The following RASSF3 variants were observed in gnomAD, a reference collection of about 807,000 sequenced individuals.
RASSF3 encodes the protein ras association domain-containing protein 3.
A neutral mutation model predicts 19.9 loss-of-function variants in RASSF3; 19 were observed. That is an observed-to-expected ratio of 0.96 (90% CI 0.67 to 1.40). The LOEUF (loss-of-function observed/expected upper bound fraction) is 1.40, where lower values mean the gene tolerates loss of function less well. Among genes scored for constraint, RASSF3 ranks in the 40% most tolerant of loss-of-function variants. The pLI is 0.00. For missense variants in RASSF3, 306 were observed against 289.8 expected (o/e 1.06, Z -0.41); for synonymous variants, 110 against 104.2 (o/e 1.06, Z -0.34).
chr12:64,591,156 G>A (rs771355022), intron 2 of RASSF3, among the ~76,000 whole-genome samples: 9 of 152,152 alleles, frequency 5.9e-5, no homozygotes, highest in Non-Finnish European at 1.0e-4. Flanking sequence ...AAAGTGGGCA[G>A]CTGCTTCTTT....
Position 64,648,802 on chromosome 12 carries a change from A to ATTT in RASSF3, c.112-35967_112-35965dup, listed in dbSNP as rs60003798. On this transcript the variant is annotated intron_variant, in intron 1 of 4. Transcript: ENST00000542104. ...GGCCAAGCTTCTTGTTTTTACATTG[A>ATTT]TTTTTTTTTTTTTTTTTTTTAGAGA... Among the ~76,000 whole-genome samples, 53 of 104,988 alleles carry ATTT rather than the reference A, an allele frequency of 5.0e-4. 5 individuals carry two copies. Among genetic ancestry groups the ATTT allele is most frequent in the African/African-American group, 1.4e-3 (35 of 25,672 alleles). 68.9% of individuals were successfully genotyped at this position (104,988 alleles called of 152,430 possible).
chr12:64,560,648 G>A (rs1869331664), intron 2 of RASSF3, among the ~76,000 whole-genome samples: 2 of 152,230 alleles, frequency 1.3e-5, no homozygotes, highest in African/African-American at 2.4e-5. Flanking sequence ...CAATGAGGGA[G>A]CCAGTCTCCA....
intron 2 of RASSF3, among the ~76,000 whole-genome samples, chr12:64,686,991 C>A (rs1873381547): frequency 6.6e-6 from 1 of 152,038 alleles, no homozygotes; most frequent in African/African-American, 2.4e-5. Flanking sequence ...TCTAAATATA[C>A]TGTTTTTGTT....
upstream of RASSF3, chr12:64,610,440 G>A (rs1276413939): frequency 7.4e-5 from 14 of 189,280 alleles, no homozygotes; most frequent in Non-Finnish European, 1.4e-4. Context: ...GCGCACCGGG[G>A]CCGAGCCGCG....
intron 2 of RASSF3, among the ~76,000 whole-genome samples, chr12:64,566,703 C>A (rs1238708717): frequency 6.6e-6 from 1 of 152,020 alleles, no homozygotes; most frequent in East Asian, 1.9e-4. Context: ...TAGCTAGAGA[C>A]GAAGCAACCA....
chr12:64,553,047 A>G (rs1869192777), intron 2 of RASSF3, among the ~76,000 whole-genome samples: 1 of 152,166 alleles, frequency 6.6e-6, no homozygotes, highest in African/African-American at 2.4e-5. Context: ...CATCTCCACT[A>G]AAAATACAAA....
intron 2 of RASSF3, among the ~76,000 whole-genome samples, chr12:64,586,879 T>G (rs907080117): frequency 6.6e-6 from 1 of 151,486 alleles, no homozygotes; most frequent in Non-Finnish European, 1.5e-5. Flanking sequence ...GCGGAGATCA[T>G]GGCACTGCAC....
At chr12:64,589,287 T>A (rs577059732) in intron 2 of RASSF3, among the ~76,000 whole-genome samples, 21 of 151,972 alleles carry the variant, frequency 1.4e-4, no homozygotes, top group African/African-American at 5.1e-4. Flanking sequence ...CCATCTCTAC[T>A]AAAAATATAA....
intron 1 of RASSF3, among the ~76,000 whole-genome samples, chr12:64,627,817 T>G (rs1871044643): frequency 6.6e-6 from 1 of 152,208 alleles, no homozygotes; most frequent in African/African-American, 2.4e-5. Flanking sequence ...ATAGCAGAGA[T>G]AACTTTGGGA....
In RASSF3 at chr12:64,610,732, T is replaced by A; in HGVS notation, c.100T>A (p.Ser34Thr). Residue 34 changes from serine to threonine, a missense_variant, in exon 1 of 5, where the codon TCC (serine) becomes ACC (threonine). By Grantham distance (58) the Ser-to-Thr change is moderately conservative (BLOSUM62 1). Coordinates refer to ENST00000542104, the MANE Select transcript of RASSF3 (RefSeq NM_178169.4). ...GAGAGCGCCCCAGGGCAAGCCCCGC[T>A]CCGGCCAACAAGTGAGTGGCGCGCG... Reference protein sequence around the residue: ...FRRAPQGKPRSGQQDVEKEKE... With the variant: ...FRRAPQGKPRTGQQDVEKEKE... 1 of 1,588,220 alleles carries A rather than the reference T, an allele frequency of 6.3e-7. No individual in the cohort carries two copies. Among genetic ancestry groups the A allele is most frequent in the Non-Finnish European group, 8.6e-7 (1 of 1,168,938 alleles).
intron 1 of RASSF3, among the ~76,000 whole-genome samples, chr12:64,661,677 CTTT>C (rs71092993): frequency 0.014 from 1,133 of 78,972 alleles, 12 homozygotes; most frequent in African/African-American, 0.054. Flanking sequence ...TTTTCTTTTT[CTTT>C]TTTTTTTTTT....
intron 1 of RASSF3, among the ~76,000 whole-genome samples, chr12:64,538,947 G>T (rs1868886782): frequency 6.6e-6 from 1 of 152,130 alleles, no homozygotes; most frequent in African/African-American, 2.4e-5. Context: ...TCAAGAGGCT[G>T]AGTCAGGAGA....
intron 3 of RASSF3, among the ~76,000 whole-genome samples, chr12:64,690,332 C>T (rs1797676): frequency 0.38 from 56,930 of 151,768 alleles, 11,590 homozygotes; most frequent in Middle Eastern, 0.5. Flanking sequence ...CAAGTGCCCA[C>T]CACCATGCCC....
intron 2 of RASSF3, among the ~76,000 whole-genome samples, chr12:64,562,921 C>T (rs936020886): frequency 3.5e-4 from 53 of 152,146 alleles, no homozygotes; most frequent in Admixed American, 1.3e-4. Context: ...AGCCACTGTG[C>T]CCAACCCAAT....
chr12:64,534,406 G>C (rs1209990028), intron 1 of RASSF3, among the ~76,000 whole-genome samples: 2 of 152,210 alleles, frequency 1.3e-5, no homozygotes, highest in Non-Finnish European at 2.9e-5. Flanking sequence ...GAGGTGAGAA[G>C]ATCGCTTGAG....
At chr12:64,631,467 G>A (rs1207417254) in intron 1 of RASSF3, among the ~76,000 whole-genome samples, 1 of 152,174 alleles carries the variant, frequency 6.6e-6, no homozygotes, top group African/African-American at 2.4e-5. Context: ...CTGGCAAGGA[G>A]AGGATGGTGT....
chr12:64,517,389 T>C (rs1299206891), intron 1 of RASSF3, among the ~76,000 whole-genome samples: 1 of 152,024 alleles, frequency 6.6e-6, no homozygotes, highest in Non-Finnish European at 1.5e-5. Context: ...AAATAAAATG[T>C]TCTAAATTTC....
At chr12:64,576,273 A>T (rs1869594554) in intron 2 of RASSF3, among the ~76,000 whole-genome samples, 1 of 152,130 alleles carries the variant, frequency 6.6e-6, no homozygotes, top group Non-Finnish European at 1.5e-5. Context: ...TTTATGACAA[A>T]CGTGGTGCCC....
intron 1 of RASSF3, among the ~76,000 whole-genome samples, chr12:64,515,329 A>G (rs1438579451): frequency 6.6e-6 from 1 of 152,144 alleles, no homozygotes; most frequent in Non-Finnish European, 1.5e-5. Flanking sequence ...AGGCATGATT[A>G]CAGGCATGAG....
Sources: gnomAD v4.1 joint callset for allele counts (sites outside exome capture counted in the v4.1 genomes callset) on GRCh38, gnomAD v4.1.1 for gene constraint, MANE v1.5 for transcripts, NCBI Gene and HGNC (gene_info 2026-07-23, HGNC 2026-07-21) for gene names.